THSD7A: variants seen among roughly 807,000 people sequenced by gnomAD.
THSD7A encodes the protein thrombospondin type-1 domain-containing protein 7A.
Under a neutral mutation model 231.3 loss-of-function variants are expected in THSD7A, and 96 were observed. The ratio of observed to expected loss-of-function variants is 0.41; its 90% CI spans 0.35 to 0.49. THSD7A has a LOEUF of 0.49. Among genes scored for constraint, THSD7A ranks in the 20% least tolerant of loss-of-function variants. The probability of loss-of-function intolerance (pLI) is 0.05; values close to 1 mark genes in which losing one functional copy is unlikely to be tolerated. For missense variants in THSD7A, 2,290 were observed against 2,070.2 expected (o/e 1.11, Z -2.06); for synonymous variants, 940 against 743.3 (o/e 1.26, Z -4.30).
At chr7:11,827,570 C>T (rs1397221300) in intron 1 of THSD7A, among the ~76,000 whole-genome samples, 1 of 152,126 alleles carries the variant, frequency 6.6e-6, no homozygotes, top group African/African-American at 2.4e-5. Context: ...TCTAGGTCTT[C>T]TCCCACTGTG....
At chr7:11,733,445 G>C (rs114429954) in intron 1 of THSD7A, among the ~76,000 whole-genome samples, 1,950 of 151,846 alleles carry the variant, frequency 0.013, 47 homozygotes, top group African/African-American at 0.045. Context: ...AAGATATATG[G>C]GTTCAAAAAT....
chr7:11,595,160 C>T (rs1780314151), intron 2 of THSD7A, among the ~76,000 whole-genome samples: 1 of 152,162 alleles, frequency 6.6e-6, no homozygotes, highest in Non-Finnish European at 1.5e-5. Context: ...TGTTGATTCT[C>T]CTCAGGAGCC....
At chr7:11,779,860 TGTA>T (rs879678056) in intron 1 of THSD7A, among the ~76,000 whole-genome samples, 4 of 152,190 alleles carry the variant, frequency 2.6e-5, no homozygotes, top group Admixed American at 6.5e-5. Flanking sequence ...GTTGGCTAAT[TGTA>T]GTAAAATATT....
intron 1 of THSD7A, among the ~76,000 whole-genome samples, chr7:11,720,407 T>C (rs1157982026): frequency 1.3e-5 from 2 of 151,754 alleles, no homozygotes; most frequent in African/African-American, 4.8e-5. Flanking sequence ...CCATCTCTGT[T>C]TTCTCAGGAA....
rs1290094607 is a variant in THSD7A at position 11,632,913 on chromosome 7, C to T, written c.1022+3217G>A. 6.6e-6 allele frequency among the ~76,000 whole-genome samples: 1 copy of T among 152,190 alleles called. No individual in the cohort carries two copies. Among genetic ancestry groups the T allele is most frequent in the Non-Finnish European group, 1.5e-5 (1 of 68,022 alleles). ...ATTTTTCTGGTTCTATCTTCAGGAACATCAGCGTTTCATATAGTAATGTCC... is the reference window on the plus strand; with the variant it reads ...ATTTTTCTGGTTCTATCTTCAGGAATATCAGCGTTTCATATAGTAATGTCC... On this transcript the variant is annotated intron_variant, in intron 2 of 27. Transcript: ENST00000423059. This position sits in a 1 kb window ranked among gnomAD's most constrained non-coding sequence, Gnocchi z 4.1.
At chr7:11,493,037 C>T (rs1238869516) in intron 6 of THSD7A, among the ~76,000 whole-genome samples, 1 of 152,086 alleles carries the variant, frequency 6.6e-6, no homozygotes, top group South Asian at 2.1e-4. Context: ...TTAGGAACTC[C>T]CAGCCCATTT....
chr7:11,788,551 C>G (rs549154995), intron 1 of THSD7A, among the ~76,000 whole-genome samples: 1 of 151,896 alleles, frequency 6.6e-6, no homozygotes, highest in Non-Finnish European at 1.5e-5. Context: ...TATTCAGGAC[C>G]GAGAGTATCT....
chr7:11,738,986 T>TG (rs1460639458), intron 1 of THSD7A, among the ~76,000 whole-genome samples: 1 of 152,028 alleles, frequency 6.6e-6, no homozygotes, highest in Non-Finnish European at 1.5e-5. Context: ...ACAATACTAA[T>TG]GGATGCATCA....
chr7:11,693,448 G>C (rs1453306307), intron 1 of THSD7A, among the ~76,000 whole-genome samples: 1 of 151,472 alleles, frequency 6.6e-6, no homozygotes, highest in African/African-American at 2.4e-5. Context: ...TAAAGCTCAG[G>C]AAGTTTAACT....
At chr7:11,801,994 T>A (rs1243633789) in intron 1 of THSD7A, among the ~76,000 whole-genome samples, 1 of 152,234 alleles carries the variant, frequency 6.6e-6, no homozygotes, top group African/African-American at 2.4e-5. Flanking sequence ...TTCAATATGA[T>A]GTTAAAGGTT....
At chr7:11,502,615 G>A (rs1268418513) in intron 6 of THSD7A, among the ~76,000 whole-genome samples, 3 of 151,908 alleles carry the variant, frequency 2.0e-5, no homozygotes, top group Non-Finnish European at 2.9e-5. Context: ...CAATAATCTA[G>A]GTACAAAACC....
rs148221608 is a variant in THSD7A at position 11,380,505 on chromosome 7, C to T, written c.4508-793G>A. Among the ~76,000 whole-genome samples, 132 of 152,224 alleles carry T rather than the reference C, an allele frequency of 8.7e-4. No homozygotes were observed. In the East Asian group the frequency reaches 0.014, roughly 16 times the overall value. On this transcript the variant is annotated intron_variant, in intron 24 of 27. Transcript: ENST00000423059. ...TGATTCTCTGGAATTTAATCACAGG[C>T]GCCTATTGCTAATTGTCTGTGTTTC...
intron 6 of THSD7A, among the ~76,000 whole-genome samples, chr7:11,528,809 CTCT>C (rs1194633183): frequency 2.0e-5 from 3 of 152,146 alleles, no homozygotes; most frequent in Non-Finnish European, 4.4e-5. Flanking sequence ...TAAACAGCAT[CTCT>C]TTTTTTACTT....
intron 13 of THSD7A, among the ~76,000 whole-genome samples, chr7:11,433,130 C>T (rs1784530893): frequency 6.6e-6 from 1 of 151,790 alleles, no homozygotes; most frequent in South Asian, 2.1e-4. Context: ...AGAGGAAAGT[C>T]CAACAAAGAA....
At chr7:11,662,344 T>C (rs1293893761) in intron 1 of THSD7A, among the ~76,000 whole-genome samples, 4 of 151,322 alleles carry the variant, frequency 2.6e-5, no homozygotes, top group Non-Finnish European at 4.4e-5. Flanking sequence ...AAGTATCAGT[T>C]CACCAGAAGG....
intron 1 of THSD7A, among the ~76,000 whole-genome samples, chr7:11,773,998 A>C (rs1562545175): frequency 1.3e-5 from 2 of 152,218 alleles, no homozygotes; most frequent in African/African-American, 4.8e-5. Context: ...TAATCGGGAA[A>C]TTAAAATAGC....
intron 1 of THSD7A, among the ~76,000 whole-genome samples, chr7:11,779,921 C>A (rs1783569253): frequency 6.6e-6 from 1 of 152,160 alleles, no homozygotes; most frequent in Non-Finnish European, 1.5e-5. Context: ...ATCACAAATG[C>A]CCTCAACAAT....
intron 6 of THSD7A, among the ~76,000 whole-genome samples, chr7:11,504,493 T>G (rs1197374447): frequency 6.6e-6 from 1 of 152,120 alleles, no homozygotes; most frequent in African/African-American, 2.4e-5. Flanking sequence ...TAAAAAAAAT[T>G]TTAAAAAGAA....
In THSD7A at chr7:11,741,470, T is replaced by C. The variant is rs560330338; in HGVS notation, c.190+90287A>G. Among the ~76,000 whole-genome samples, 21 of 152,070 alleles carry C rather than the reference T, an allele frequency of 1.4e-4. No homozygotes were observed. The South Asian group carries it at 4.4e-3, about 32-fold the overall frequency. On this transcript the variant is annotated intron_variant, in intron 1 of 27. Coordinates refer to ENST00000423059, the MANE Select transcript of THSD7A (RefSeq NM_015204.3). ...GTTAATTTTGTGGGAATATATATGC[T>C]ATATATGCACTGAAAAAATAAGTGT...
Sources: allele counts gnomAD v4.1 joint callset (sites outside exome capture counted in the v4.1 genomes callset), GRCh38; gene constraint gnomAD v4.1.1; non-coding constraint Gnocchi (gnomAD v3.1); transcripts MANE v1.5; gene names NCBI Gene and HGNC (gene_info 2026-07-23, HGNC 2026-07-21).